DLC1: variants seen among roughly 807,000 people sequenced by gnomAD.
DLC1 encodes DLC1 Rho GTPase activating protein.
A neutral mutation model predicts 140.3 loss-of-function variants in DLC1; 54 were observed. That is an observed-to-expected ratio of 0.38 (90% confidence interval 0.31 to 0.48). The LOEUF is 0.48. Among genes scored for constraint, DLC1 ranks in the 20% least tolerant of loss-of-function variants. DLC1 has a pLI of 0.96. For synonymous variants in DLC1, 986 were observed against 728.1 expected, an observed-to-expected ratio of 1.35 and a Z score of -5.70; for missense variants, 2,536 against 1,907.0, an observed-to-expected ratio of 1.33 and a Z score of -6.14.
chr8:13,392,533 T>C (rs1836807044), intron 4 of DLC1, among the ~76,000 whole-genome samples: 1 of 152,212 alleles, frequency 6.6e-6, no homozygotes, highest in Admixed American at 6.5e-5. Flanking sequence ...GACTTGACTT[T>C]TATTTTAAAT....
chr8:13,197,567 C>T (rs1342126718), intron 5 of DLC1, among the ~76,000 whole-genome samples: 2 of 151,880 alleles, frequency 1.3e-5, no homozygotes, highest in East Asian at 1.9e-4. Flanking sequence ...AGGATGGTCT[C>T]GATCTCCTGA....
intron 2 of DLC1, among the ~76,000 whole-genome samples, chr8:13,491,142 T>C (rs956034580): frequency 6.7e-6 from 1 of 149,800 alleles, no homozygotes; most frequent in African/African-American, 2.4e-5. Context: ...TTTATATATA[T>C]ATAGCCTTAA....
rs115213735 is a variant in DLC1, at chr8:13,098,880, T to C, written c.2991-305A>G. On this transcript the variant is annotated intron_variant, in intron 9 of 17. Transcript: ENST00000276297. ...ATCCTCCCACCTCGGCCTCCCAAAG[T>C]ATTGGATTACAAGTGTGAGCCACTG... is the stretch of plus-strand genomic sequence containing the variant. Among the ~76,000 whole-genome samples the C allele has an allele frequency of 9.6e-3, 1,463 of 152,234 alleles. 26 individuals are homozygous for C. Among genetic ancestry groups the C allele is most frequent in the African/African-American group, 0.034 (1,393 of 41,554 alleles).
intron 5 of DLC1, among the ~76,000 whole-genome samples, chr8:13,152,092 AG>A (rs1239494205): frequency 6.6e-6 from 1 of 152,216 alleles, no homozygotes; most frequent in Admixed American, 6.5e-5. Flanking sequence ...TACTAAATAC[AG>A]TCTCAGGGTT....
intron 2 of DLC1, among the ~76,000 whole-genome samples, chr8:13,477,123 G>A (rs149564994): frequency 4.2e-4 from 64 of 152,210 alleles, no homozygotes; most frequent in African/African-American, 1.2e-3. Context: ...AGTTACTGAA[G>A]CTATGCAGAG....
chr8:13,442,743 T>A (rs1798579970), intron 2 of DLC1, among the ~76,000 whole-genome samples: 1 of 152,220 alleles, frequency 6.6e-6, no homozygotes, highest in South Asian at 2.1e-4. Flanking sequence ...GGAACACTTT[T>A]ACACTGTTGG....
chr8:13,573,484 A>T (rs1804735856), intron 1 of DLC1, among the ~76,000 whole-genome samples: 1 of 152,160 alleles, frequency 6.6e-6, no homozygotes, highest in African/African-American at 2.4e-5. Context: ...TCACTTCCAG[A>T]GCTATATTGA....
intron 4 of DLC1, among the ~76,000 whole-genome samples, chr8:13,349,032 G>A (rs111637634): frequency 9.9e-5 from 15 of 152,244 alleles, no homozygotes; most frequent in African/African-American, 2.6e-4. Flanking sequence ...ACTAAGATTC[G>A]TAGATCTCCA....
chr8:13,236,472 A>G (rs370319334), intron 5 of DLC1, among the ~76,000 whole-genome samples: 47 of 152,272 alleles, frequency 3.1e-4, no homozygotes, highest in South Asian at 1.9e-3. Context: ...TAATTAGCCT[A>G]TCAACCTTGT....
intron 5 of DLC1, among the ~76,000 whole-genome samples, chr8:13,259,868 A>C (rs760350835): frequency 4.6e-5 from 7 of 152,216 alleles, no homozygotes; most frequent in Non-Finnish European, 1.0e-4. Flanking sequence ...ATAGCAGCCA[A>C]AAATAGAAAT....
chr8:13,563,550 G>T (rs1048185898), intron 1 of DLC1, among the ~76,000 whole-genome samples: 4 of 152,182 alleles, frequency 2.6e-5, no homozygotes, highest in African/African-American at 9.6e-5. Context: ...TAGGAGAAGA[G>T]ACTTGCTTGA....
At position 13,288,860 on chromosome 8, in the gene DLC1, G is replaced by C. The variant is rs1831642746; in HGVS notation, c.1348+16409C>G. The stretch of plus-strand genomic sequence containing the variant: ...AGGACTTGCATCAACCCAGCTTAGG[G>C]ATCATAGGTTCCACTTAGGGGAAGC... On this transcript the variant is annotated intron_variant, in intron 5 of 17. Transcript: ENST00000276297. 2.6e-5 allele frequency among the ~76,000 whole-genome samples: 4 copies of C among 152,198 alleles called. No homozygotes were observed. In the South Asian group the frequency reaches 8.3e-4, roughly 31 times the overall value.
chr8:13,433,556 G>C (rs1187160803), intron 2 of DLC1, among the ~76,000 whole-genome samples: 1 of 152,206 alleles, frequency 6.6e-6, no homozygotes, highest in African/African-American at 2.4e-5. Context: ...AGTTCCACAA[G>C]TCTCTAACTT....
intron 2 of DLC1, among the ~76,000 whole-genome samples, chr8:13,458,731 C>A (rs1342782229): frequency 6.6e-6 from 1 of 151,968 alleles, no homozygotes; most frequent in African/African-American, 2.4e-5. Flanking sequence ...GATTTCTTTC[C>A]CTCAAAGCAG....
At chr8:13,477,317 G>C (rs928912226) in intron 2 of DLC1, among the ~76,000 whole-genome samples, 1 of 152,160 alleles carries the variant, frequency 6.6e-6, no homozygotes, top group African/African-American at 2.4e-5. Flanking sequence ...GAAAGTGGAA[G>C]ACACAGAAAC....
intron 1 of DLC1, among the ~76,000 whole-genome samples, chr8:13,532,289 A>C (rs1356488295): frequency 6.6e-6 from 1 of 152,006 alleles, no homozygotes; most frequent in Non-Finnish European, 1.5e-5. Context: ...ACAACAACAA[A>C]ACCCCACAAA....
At chr8:13,302,094 C>G (rs1173788256) in intron 5 of DLC1, among the ~76,000 whole-genome samples, 2 of 152,214 alleles carry the variant, frequency 1.3e-5, no homozygotes, top group Admixed American at 1.3e-4. Flanking sequence ...TGGTTGGATT[C>G]TGTCTCAGAT....
At chr8:13,237,341 TAC>T (rs1254556555) in intron 5 of DLC1, among the ~76,000 whole-genome samples, 8 of 147,958 alleles carry the variant, frequency 5.4e-5, no homozygotes, top group South Asian at 2.1e-4. Flanking sequence ...TATATATATA[TAC>T]ACACACACAC....
At chr8:13,419,137 A>G (rs1838199463) in intron 2 of DLC1, among the ~76,000 whole-genome samples, 2 of 152,162 alleles carry the variant, frequency 1.3e-5, no homozygotes, top group African/African-American at 4.8e-5. Context: ...GGTTTTCTAG[A>G]TATACAATCA....
Sources: gnomAD v4.1 joint callset for allele counts (sites outside exome capture counted in the v4.1 genomes callset) on GRCh38, gnomAD v4.1.1 for gene constraint, MANE v1.5 for transcripts, NCBI Gene and HGNC (gene_info 2026-07-23, HGNC 2026-07-21) for gene names.